Variants in ADGRB3 observed in about 807,000 individuals in gnomAD.
ADGRB3 encodes the protein brain-specific angiogenesis inhibitor 3.
In ADGRB3, 37 loss-of-function variants were observed where a neutral mutation model predicts 193.4. That is an observed-to-expected ratio of 0.19 (90% CI 0.15 to 0.25). The LOEUF (loss-of-function observed/expected upper bound fraction) is 0.25, where lower values mean the gene tolerates loss of function less well. Ranked by LOEUF, ADGRB3 falls within the 10% of genes least tolerant of loss-of-function variation. ADGRB3 has a pLI of 1.00. For missense variants in ADGRB3, 1,637 were observed against 1,852.9 expected (o/e 0.88, Z 2.14); for synonymous variants, 690 against 644.2 (o/e 1.07, Z -1.08).
At chr6:68,717,729 CATT>C (rs1026263343) in intron 3 of ADGRB3, among the ~76,000 whole-genome samples, 4 of 151,290 alleles carry the variant, frequency 2.6e-5, no homozygotes, top group East Asian at 1.9e-4. Flanking sequence ...ATTAATAAAA[CATT>C]ATTTTCTATC....
chr6:68,850,169 G>T (rs541176807), intron 3 of ADGRB3, among the ~76,000 whole-genome samples: 1 of 151,610 alleles, frequency 6.6e-6, no homozygotes, highest in South Asian at 2.1e-4. Flanking sequence ...ACTGGATTCA[G>T]TGTGCCTCAC....
intron 3 of ADGRB3, among the ~76,000 whole-genome samples, chr6:68,816,128 A>C (rs1767627519): frequency 6.6e-6 from 1 of 152,060 alleles, no homozygotes; most frequent in South Asian, 2.1e-4. Flanking sequence ...TGAAAGGGAA[A>C]TAATATTATT....
chr6:69,060,210 C>CTCTA (rs1771694862), intron 15 of ADGRB3, among the ~76,000 whole-genome samples: 1 of 142,526 alleles, frequency 7.0e-6, no homozygotes, highest in Non-Finnish European at 1.5e-5. Context: ...TTCTCTGTCT[C>CTCTA]TCTCTCTCTT....
intron 3 of ADGRB3, among the ~76,000 whole-genome samples, chr6:68,705,487 T>G (rs1765309406): frequency 6.6e-6 from 1 of 152,234 alleles, no homozygotes; most frequent in South Asian, 2.1e-4. Flanking sequence ...AAATGTGTGT[T>G]TGTTTGAAGA....
At chr6:69,148,549 A>T (rs1774572569) in intron 17 of ADGRB3, among the ~76,000 whole-genome samples, 1 of 152,074 alleles carries the variant, frequency 6.6e-6, no homozygotes, top group African/African-American at 2.4e-5. Context: ...CTTTCTACTT[A>T]AGATAAGAGT....
intron 3 of ADGRB3, among the ~76,000 whole-genome samples, chr6:68,772,894 A>ATATATATATATAT (rs1554191414): frequency 8.7e-5 from 2 of 22,882 alleles, no homozygotes; most frequent in African/African-American, 3.9e-4. Flanking sequence ...AAAAAAAAAA[A>ATATATATATATAT]ATATATATAT....
intron 3 of ADGRB3, among the ~76,000 whole-genome samples, chr6:68,889,908 G>A (rs1766024471): frequency 6.6e-6 from 1 of 151,908 alleles, no homozygotes; most frequent in African/African-American, 2.4e-5. Context: ...ATATTCCTTT[G>A]TAACTACATA....
At chr6:68,883,435 T>C (rs1765793664) in intron 3 of ADGRB3, among the ~76,000 whole-genome samples, 2 of 152,196 alleles carry the variant, frequency 1.3e-5, no homozygotes, top group Admixed American at 6.5e-5. Flanking sequence ...CCTTCCACGT[T>C]GTAGGAGCTT....
intron 8 of ADGRB3, among the ~76,000 whole-genome samples, chr6:68,961,536 T>G (rs527378646): frequency 4.6e-5 from 7 of 152,328 alleles, no homozygotes; most frequent in Non-Finnish European, 8.8e-5. Context: ...CAGGTTCCAG[T>G]TAGTAGAATA....
At chr6:69,353,608 A>G (rs1769273132) in intron 26 of ADGRB3, among the ~76,000 whole-genome samples, 1 of 152,244 alleles carries the variant, frequency 6.6e-6, no homozygotes, top group Admixed American at 6.5e-5. Context: ...ATTACGTACA[A>G]CAGTGGAATA....
chr6:69,274,339 C>T (rs1263592838), intron 20 of ADGRB3, among the ~76,000 whole-genome samples: 1 of 152,190 alleles, frequency 6.6e-6, no homozygotes, highest in Non-Finnish European at 1.5e-5. Context: ...TTTCAGTGTT[C>T]ATGCCAAGAA....
chr6:69,063,152 A>G (rs1771799482), intron 16 of ADGRB3, 116 bp downstream of exon 16: 6 of 688,882 alleles, frequency 8.7e-6, no homozygotes, highest in Middle Eastern at 2.5e-4. Context: ...CAAATATATT[A>G]ACTTGTTATG....
intron 3 of ADGRB3, among the ~76,000 whole-genome samples, chr6:68,724,257 G>A (rs1446436223): frequency 6.6e-6 from 1 of 151,554 alleles, no homozygotes; most frequent in African/African-American, 2.4e-5. Context: ...AGTCCTTTTA[G>A]CCATATTGCA....
chr6:68,982,474 C>T (rs1323589859), intron 10 of ADGRB3, among the ~76,000 whole-genome samples: 3 of 152,108 alleles, frequency 2.0e-5, no homozygotes, highest in Non-Finnish European at 4.4e-5. Flanking sequence ...TATATGTGCC[C>T]ATCCTGTCAG....
At chr6:69,100,912 G>A (rs56237292) in intron 17 of ADGRB3, among the ~76,000 whole-genome samples, 6 of 46,208 alleles carry the variant, frequency 1.3e-4, no homozygotes, top group African/African-American at 4.5e-4. Flanking sequence ...AAGCGAGGGA[G>A]GGAAGGAAGG....
intron 3 of ADGRB3, among the ~76,000 whole-genome samples, chr6:68,805,725 G>C (rs1163539318): frequency 1.3e-5 from 2 of 152,116 alleles, no homozygotes; most frequent in African/African-American, 4.8e-5. Context: ...ATATCCCAGA[G>C]CCTACCATAA....
chr6:68,909,368 C>T (rs887494197), intron 3 of ADGRB3, among the ~76,000 whole-genome samples: 1 of 152,148 alleles, frequency 6.6e-6, no homozygotes, highest in East Asian at 1.9e-4. Context: ...TTGCTTTTAA[C>T]ACAAACATAC....
chr6:69,232,335 C>A (rs1766161310), intron 17 of ADGRB3: 2 of 1,214,354 alleles, frequency 1.6e-6, no homozygotes, highest in Non-Finnish European at 2.2e-6. Context: ...GGTTCTCCCC[C>A]ATCCCCCCCA....
intron 3 of ADGRB3, among the ~76,000 whole-genome samples, chr6:68,785,096 A>C (rs1766935279): frequency 6.6e-6 from 1 of 152,130 alleles, no homozygotes; most frequent in South Asian, 2.1e-4. Flanking sequence ...CAAAATAATT[A>C]TTTAGAATTA....
Sources: gnomAD v4.1 joint callset for allele counts (sites outside exome capture counted in the v4.1 genomes callset) on GRCh38, gnomAD v4.1.1 for gene constraint, MANE v1.5 for transcripts, NCBI Gene and HGNC (gene_info 2026-07-23, HGNC 2026-07-21) for gene names.